Variants in IFT57 observed in about 807,000 individuals in gnomAD.
The protein encoded by IFT57 is intraflagellar transport 57.
Under a neutral mutation model 56.8 loss-of-function variants are expected in IFT57, and 59 were observed. That is an observed-to-expected ratio of 1.04 (90% CI 0.84 to 1.29). The LOEUF (loss-of-function observed/expected upper bound fraction) is 1.29, where lower values mean the gene tolerates loss of function less well. IFT57 is among the 50% of genes most tolerant of loss of function. IFT57 has a pLI of 0.00. For synonymous variants in IFT57, 209 were observed against 186.1 expected (o/e 1.12, Z -1.00); for missense variants, 470 against 522.1 (o/e 0.90, Z 0.97).
intron 5 of IFT57, among the ~76,000 whole-genome samples, chr3:108,193,058 C>T (rs2080224936): frequency 6.6e-6 from 1 of 152,044 alleles, no homozygotes; most frequent in Non-Finnish European, 1.5e-5. Context: ...TTGAAACATT[C>T]CATAACACAA....
chr3:108,218,678 G>A, intron 2 of IFT57, 25 bp from the exon 3 acceptor site: 1 of 1,205,148 alleles, frequency 8.3e-7, no homozygotes, highest in Non-Finnish European at 1.2e-6. Context: ...AAAAAACAGG[G>A]TATTATTTGT....
At position 108,165,447 on chromosome 3, in the gene IFT57, G is replaced by A. The variant is rs1286455427; in HGVS notation, c.1028C>T (p.Thr343Ile). 2 of 1,612,560 alleles carry A rather than the reference G, an allele frequency of 1.2e-6. No homozygotes were observed. The highest frequency in any genetic ancestry group is 1.6e-4 in the Middle Eastern group (1 of 6,076). The part of the protein sequence containing the change: ...QQGNGGVTER[T>I]RLLSEVMEEL... ...AGTGTGTACCTCAGAGAGGAGTCTG[G>A]TTCTTTCCGTCACTCCTCCATTTCC... The change falls in exon 9 of 11, where the codon ACC becomes ATC. Residue 343 changes from threonine to isoleucine, a missense_variant. By Grantham distance (89) the Thr-to-Ile change is moderately conservative (BLOSUM62 -1). Transcript: ENST00000264538.
At chr3:108,180,314 A>T (rs778890155) in intron 6 of IFT57, among the ~76,000 whole-genome samples, 9 of 151,948 alleles carry the variant, frequency 5.9e-5, no homozygotes, top group African/African-American at 1.4e-4. Flanking sequence ...GAGAGTTTCC[A>T]GGCTTTAGAA....
chr3:108,185,198 T>A (rs1159645513), intron 6 of IFT57, among the ~76,000 whole-genome samples: 1 of 152,162 alleles, frequency 6.6e-6, no homozygotes, highest in Non-Finnish European at 1.5e-5. Flanking sequence ...AGGATTTCTA[T>A]AAGAAAGACA....
At chr3:108,222,046 G>A in intron 1 of IFT57, 65 bp downstream of exon 1, 1 of 1,548,216 alleles carries the variant, frequency 6.5e-7, no homozygotes, top group Non-Finnish European at 8.7e-7. Context: ...TTCCCAGCAG[G>A]ACCAAGGAGG....
intron 6 of IFT57, among the ~76,000 whole-genome samples, chr3:108,188,889 A>T (rs888673751): frequency 6.6e-6 from 1 of 152,212 alleles, no homozygotes; most frequent in African/African-American, 2.4e-5. Context: ...TCCCTATTAG[A>T]CTTTAAATGA....
At chr3:108,190,508 C>G (rs1230499844) in intron 6 of IFT57, among the ~76,000 whole-genome samples, 1 of 152,198 alleles carries the variant, frequency 6.6e-6, no homozygotes, top group Non-Finnish European at 1.5e-5. Flanking sequence ...CTTCTCCTTC[C>G]TGCGGCCTTG....
At position 108,202,311 on chromosome 3, in the gene IFT57, C is replaced by T. The variant is rs1377274; in HGVS notation, c.654+4317G>A. On this transcript the variant is annotated intron_variant, in intron 5 of 10. Coordinates refer to ENST00000264538, the MANE Select transcript of IFT57 (RefSeq NM_018010.4). ...TTACGGCATAGCCACTGTGAACATG[C>T]AAGCAGTGCCCAACTGACATATGCA... Among the ~76,000 whole-genome samples the T allele has an allele frequency of 3.9e-3, 599 of 152,306 alleles. 4 individuals are homozygous for T. Among genetic ancestry groups the T allele is most frequent in the African/African-American group, 0.014 (566 of 41,560 alleles).
At chr3:108,181,116 C>CCAGTT (rs2080149269) in intron 6 of IFT57, among the ~76,000 whole-genome samples, 1 of 151,968 alleles carries the variant, frequency 6.6e-6, no homozygotes, top group Non-Finnish European at 1.5e-5. Context: ...TTGTGATAAA[C>CCAGTT]GGAACCTTTC....
At chr3:108,218,821 T>A (rs937573157) in intron 2 of IFT57, among the ~76,000 whole-genome samples, 168 bp from the exon 3 acceptor site, 2 of 152,146 alleles carry the variant, frequency 1.3e-5, no homozygotes, top group African/African-American at 2.4e-5. Context: ...TTGTAACCCA[T>A]TGATACATAA....
intron 1 of IFT57, 160 bp downstream of exon 1, chr3:108,221,951 A>T: frequency 7.2e-7 from 1 of 1,398,444 alleles, no homozygotes; most frequent in Non-Finnish European, 9.4e-7. Flanking sequence ...AGCTCCACGG[A>T]CCTCCCGGGA....
At chr3:108,173,184 T>C (rs2080103810) in intron 6 of IFT57, among the ~76,000 whole-genome samples, 1 of 151,872 alleles carries the variant, frequency 6.6e-6, no homozygotes, top group South Asian at 2.1e-4. Flanking sequence ...TGTGGTATGA[T>C]ACTGTTTTTA....
chr3:108,164,407 T>C (rs1337047747), intron 9 of IFT57, among the ~76,000 whole-genome samples: 1 of 152,180 alleles, frequency 6.6e-6, no homozygotes, highest in East Asian at 1.9e-4. Context: ...ATTGAAAATT[T>C]TTTACATGAT....
At chr3:108,196,266 T>A (rs1235405927) in intron 5 of IFT57, among the ~76,000 whole-genome samples, 1 of 152,152 alleles carries the variant, frequency 6.6e-6, no homozygotes, top group African/African-American at 2.4e-5. Context: ...TCCACCCTCA[T>A]TTCCAACCCC....
chr3:108,167,910 T>C, intron 6 of IFT57, 46 bp from the exon 7 acceptor site: 1 of 1,382,646 alleles, frequency 7.2e-7, no homozygotes, highest in Non-Finnish European at 9.9e-7. Flanking sequence ...ATACTACATT[T>C]CCATCTTTCC....
chr3:108,188,935 TAAAC>T (rs2080199521), intron 6 of IFT57, among the ~76,000 whole-genome samples: 1 of 152,190 alleles, frequency 6.6e-6, no homozygotes, highest in African/African-American at 2.4e-5. Flanking sequence ...AGCTTGAAAG[TAAAC>T]AAATTAAACT....
chr3:108,164,148 T>A (rs2080048413), intron 9 of IFT57, among the ~76,000 whole-genome samples: 1 of 152,206 alleles, frequency 6.6e-6, no homozygotes, highest in Admixed American at 6.5e-5. Flanking sequence ...CTTAATATTA[T>A]AGTTCTATAA....
chr3:108,188,354 A>G (rs2080196242), intron 6 of IFT57, among the ~76,000 whole-genome samples: 1 of 152,194 alleles, frequency 6.6e-6, no homozygotes. Flanking sequence ...TAAGCTAAAT[A>G]AAGAATTCAC....
intron 6 of IFT57, among the ~76,000 whole-genome samples, chr3:108,181,696 GC>G (rs2080151897): frequency 6.6e-6 from 1 of 152,000 alleles, no homozygotes; most frequent in Admixed American, 6.6e-5. Context: ...TACATTTATG[GC>G]CTTACTATAT....
Sources: allele counts gnomAD v4.1 joint callset (sites outside exome capture counted in the v4.1 genomes callset), GRCh38; gene constraint gnomAD v4.1.1; transcripts MANE v1.5; gene names NCBI Gene and HGNC (gene_info 2026-07-23, HGNC 2026-07-21).